SART1: variants seen among roughly 807,000 people sequenced by gnomAD.
The protein encoded by SART1 is U4/U6.U5 tri-snRNP-associated protein 1.
SART1 carries 28 observed loss-of-function variants against 105.0 expected under a neutral mutation model. The observed-to-expected ratio is 0.27, with a 90% CI of 0.20 to 0.37. The LOEUF is 0.37. SART1 is among the 10% of genes least tolerant of loss of function. The pLI is 1.00. For missense variants in SART1, 894 were observed against 1,106.5 expected, an observed-to-expected ratio of 0.81 and a Z score of 2.72; for synonymous variants, 472 against 462.9, an observed-to-expected ratio of 1.02 and a Z score of -0.25.
intron 12 of SART1, 24 bp downstream of exon 12, chr11:65,967,845 G>T (rs2134908760): frequency 1.3e-6 from 2 of 1,483,688 alleles, no homozygotes; most frequent in South Asian, 2.7e-5. Flanking sequence ...TGGGCAGGGT[G>T]ACTGCGTCAG....
Position 65,962,063 on chromosome 11 carries a change from C to G in SART1, c.283C>G (p.Arg95Gly). ...QAEPSERRVK[R>G]EKRDDGYEAA... is the part of the protein sequence containing the mutation. Reference sequence around the variant, plus strand: ...AGAGCCCTCCGAGCGGCGCGTGAAGCGGGAGAAGCGCGATGACGGCTACGA... The same window carrying G: ...AGAGCCCTCCGAGCGGCGCGTGAAGGGGGAGAAGCGCGATGACGGCTACGA... Residue 95 changes from arginine (R) to glycine (G), a missense_variant, in exon 1 of 20, where the codon CGG becomes GGG. By Grantham distance (125) the Arg-to-Gly change is moderately radical. This residue lies in a region of SART1 where 712 missense variants were observed against 778.2 expected (regional missense o/e 0.91). Transcript: ENST00000312397. 8.2e-7 allele frequency: 1 copy of G among 1,217,704 alleles called. No homozygotes were observed. The highest frequency in any genetic ancestry group is 1.0e-6 in the Non-Finnish European group (1 of 964,170). 75.4% of individuals were successfully genotyped at this position (1,217,704 alleles called of 1,614,324 possible). A position where few individuals can be genotyped will look rare whatever the true frequency, so the allele number is the denominator to read the frequency against.
chr11:65,965,645 GTT>G, intron 5 of SART1, 55 bp from the exon 6 acceptor site: 2 of 1,560,384 alleles, frequency 1.3e-6, no homozygotes, highest in South Asian at 2.3e-5. Context: ...AGCCCTGAGT[GTT>G]TTCTGGTGAT....
intron 9 of SART1, 127 bp from the exon 10 acceptor site, chr11:65,967,132 A>G: frequency 7.4e-7 from 1 of 1,357,782 alleles, no homozygotes; most frequent in East Asian, 2.3e-5. Flanking sequence ...CATGTTGCTC[A>G]TGTGTGGGAA....
intron 4 of SART1, 43 bp from the exon 5 acceptor site, chr11:65,965,299 G>A: frequency 2.5e-6 from 4 of 1,600,430 alleles, no homozygotes; most frequent in East Asian, 2.3e-5. Flanking sequence ...GGGGTGGGGA[G>A]CAGGAGCTGG....
intron 2 of SART1, 42 bp downstream of exon 2, chr11:65,964,173 G>T (rs1301249870): frequency 6.3e-7 from 1 of 1,579,042 alleles, no homozygotes. Flanking sequence ...TTTTCTAAGA[G>T]AGGTGGCTCT....
At chr11:65,973,896 C>A (rs1855430789) in intron 12 of SART1, among the ~76,000 whole-genome samples, 2 of 152,044 alleles carry the variant, frequency 1.3e-5, no homozygotes, top group Non-Finnish European at 2.9e-5. Flanking sequence ...ATAATTAATA[C>A]ACAACAAAAT....
At chr11:65,962,222 T>TA in intron 1 of SART1, 129 bp downstream of exon 1, 1 of 688,762 alleles carries the variant, frequency 1.5e-6, no homozygotes, top group Non-Finnish European at 2.2e-6. Flanking sequence ...CCAGCTCTAT[T>TA]AAATAGTCTT....
chr11:65,974,367 G>C (rs1189531916), intron 12 of SART1, among the ~76,000 whole-genome samples: 1 of 69,322 alleles, frequency 1.4e-5, no homozygotes, highest in African/African-American at 4.9e-5. Context: ...GTGAGACTCT[G>C]TCTCAAAAAA....
intron 1 of SART1, among the ~76,000 whole-genome samples, chr11:65,962,385 C>T (rs1055886202): frequency 4.6e-5 from 7 of 152,240 alleles, no homozygotes; most frequent in Admixed American, 6.5e-5. Flanking sequence ...TTTCTCCACT[C>T]AGCTGCTTGA....
rs752608781 is a variant in SART1, at chr11:65,967,356, A to G, written c.1286A>G (p.Gln429Arg). 14 of 1,614,176 alleles carry G rather than the reference A, an allele frequency of 8.7e-6. No individual in the cohort carries two copies. Among genetic ancestry groups the G allele is most frequent in the African/African-American group, 6.7e-5 (5 of 75,064 alleles). The change falls in exon 10 of 20, where the codon CAG (glutamine) becomes CGG (arginine). Residue 429 changes from glutamine to arginine, a missense_variant. Gln to Arg is a conservative substitution (Grantham distance 43). This residue lies in a region of SART1 where 712 missense variants were observed against 778.2 expected (regional missense o/e 0.91). Coordinates refer to ENST00000312397, the MANE Select transcript of SART1 (RefSeq NM_005146.5). ...GATGACTTGCTGCCTCTCGGGGACC[A>G]GACTCAGGATGGGGACTTTGGTTCC... ...RADDLLPLGD[Q>R]TQDGDFGSRL...
intron 9 of SART1, 147 bp from the exon 10 acceptor site, chr11:65,967,112 A>T (rs1855275206): frequency 8.4e-7 from 1 of 1,186,012 alleles, no homozygotes; most frequent in Admixed American, 2.5e-5. Context: ...TTGAGATAGT[A>T]ACCACCCCAC....
intron 4 of SART1, 36 bp from the exon 5 acceptor site, chr11:65,965,306 C>T: frequency 6.3e-7 from 1 of 1,599,600 alleles, no homozygotes; most frequent in South Asian, 1.1e-5. Flanking sequence ...GGAGCAGGAG[C>T]TGGGCTCCTT....
At position 65,976,581 on chromosome 11, in the gene SART1, C is replaced by T. The variant is rs775731527; in HGVS notation, c.1746+13C>T. ...GGAGGAGCTCATGGTGCGTCTGGGGCGGCCCCGCCCTCTGCTTCCCTCGGC... is the reference window on the plus strand; with the variant it reads ...GGAGGAGCTCATGGTGCGTCTGGGGTGGCCCCGCCCTCTGCTTCCCTCGGC... On this transcript the variant is annotated intron_variant, in intron 13 of 19. Coordinates refer to ENST00000312397, the MANE Select transcript of SART1 (RefSeq NM_005146.5). The surrounding 1 kb of genome is among the most constrained non-coding windows in gnomAD (Gnocchi z 5.1). The T allele has an allele frequency of 3.5e-5, 56 of 1,612,838 alleles. No individual in the cohort carries two copies. The highest frequency in any genetic ancestry group is 4.2e-5 in the Non-Finnish European group (49 of 1,179,674).
chr11:65,974,561 C>A (rs986446902), intron 12 of SART1, among the ~76,000 whole-genome samples: 14 of 151,754 alleles, frequency 9.2e-5, no homozygotes, highest in Admixed American at 4.6e-4. Context: ...CACCTGTAGT[C>A]CCAGCTACTT....
At chr11:65,977,692 T>G in intron 16 of SART1, 39 bp downstream of exon 16, 1 of 1,613,510 alleles carries the variant, frequency 6.2e-7, no homozygotes. Flanking sequence ...GAGGGGCCTG[T>G]GCCAGCTTGG....
chr11:65,966,236 T>C lies in SART1; in HGVS notation c.981+18T>C, dbSNP rs764810513. 4 of 1,613,758 alleles carry C rather than the reference T, an allele frequency of 2.5e-6. No homozygotes were observed. Among genetic ancestry groups the C allele is most frequent in the Non-Finnish European group, 3.4e-6 (4 of 1,179,960 alleles). ...TGGCGCAGGCACGGCCTGGGCAGGC[T>C]GGGTGGCGGGGGCTGAGGTGGAGAA... On this transcript the variant is annotated intron_variant, in intron 8 of 19. Coordinates refer to ENST00000312397, the MANE Select transcript of SART1 (RefSeq NM_005146.5).
chr11:65,964,376 C>T, intron 2 of SART1, 139 bp from the exon 3 acceptor site: 1 of 1,052,530 alleles, frequency 9.5e-7, no homozygotes, highest in Non-Finnish European at 1.4e-6. Flanking sequence ...GGGCCCTTCC[C>T]AGTGTCCTAG....
At position 65,967,456 on chromosome 11, in the gene SART1, G is replaced by T. The variant is rs199692927; in HGVS notation, c.1314-15G>T. On this transcript the variant is annotated splice_polypyrimidine_tract_variant and intron_variant, in intron 10 of 19. Coordinates refer to ENST00000312397, the MANE Select transcript of SART1 (RefSeq NM_005146.5). The stretch of plus-strand genomic sequence containing the variant: ...CTGGGGACCGGTGCTCACCAGAGAG[G>T]CCTCCTTCCCTCAGACTGCGGGGAC... 1,158 of 1,613,714 alleles carry T rather than the reference G, an allele frequency of 7.2e-4. 1 individual carries two copies. The highest frequency in any genetic ancestry group is 1.3e-3 in the Admixed American group (78 of 60,024).
rs746679123 is a variant in SART1, at chr11:65,966,595, T to G, written c.1188+39T>G. 12 of 1,449,680 alleles carry G rather than the reference T, an allele frequency of 8.3e-6. No individual in the cohort carries two copies. In the Middle Eastern group the frequency reaches 5.6e-4, roughly 68 times the overall value. 89.8% of individuals were successfully genotyped at this position (1,449,680 alleles called of 1,614,324 possible). On this transcript the variant is annotated intron_variant, in intron 9 of 19. Coordinates refer to ENST00000312397, the MANE Select transcript of SART1 (RefSeq NM_005146.5). ...TGCCTTATACTCGGGGTCAAGATTCTCCCTCCCTCTGGGGCTCCTGCCCTG... is the reference window on the plus strand; with the variant it reads ...TGCCTTATACTCGGGGTCAAGATTCGCCCTCCCTCTGGGGCTCCTGCCCTG...
Sources: allele counts gnomAD v4.1 joint callset (sites outside exome capture counted in the v4.1 genomes callset), GRCh38; gene constraint gnomAD v4.1.1; regional missense constraint gnomAD v4.1.1; non-coding constraint Gnocchi (gnomAD v3.1); transcripts MANE v1.5; gene names NCBI Gene and HGNC (gene_info 2026-07-23, HGNC 2026-07-21).